CLTC: variants seen among roughly 807,000 people sequenced by gnomAD.
CLTC encodes the protein clathrin heavy chain.
Under a neutral mutation model 195.8 loss-of-function variants are expected in CLTC, and 16 were observed. That is an observed-to-expected ratio of 0.08 (90% CI 0.06 to 0.12). The LOEUF is 0.12. CLTC is among the 10% of genes least tolerant of loss of function. The pLI is 1.00. For synonymous variants in CLTC, 667 were observed against 689.4 expected, an observed-to-expected ratio of 0.97 and a Z score of 0.51; for missense variants, 796 against 2,027.0, an observed-to-expected ratio of 0.39 and a Z score of 11.66.
In CLTC at chr17:59,648,007, T is replaced by C. The variant is rs1020275497; in HGVS notation, c.520-233T>C. Among the ~76,000 whole-genome samples the C allele has an allele frequency of 2.0e-5, 3 of 152,238 alleles. No individual in the cohort carries two copies. The highest frequency in any genetic ancestry group is 7.2e-5 in the African/African-American group (3 of 41,468). On this transcript the variant is annotated intron_variant, in intron 3 of 31. Transcript: ENST00000269122. The surrounding 1 kb of genome is among the most constrained non-coding windows in gnomAD (Gnocchi z 4.5). ...CAGAATGAATGCTTCTATACCTTTT[T>C]GTTTAAGACGTATATGAGGCATATT...
rs963127883 is a variant in CLTC, at chr17:59,655,840, T to C, written c.796-14T>C. The C allele has an allele frequency of 1.3e-6, 2 of 1,520,924 alleles. No individual in the cohort carries two copies. Among genetic ancestry groups the C allele is most frequent in the Non-Finnish European group, 1.8e-6 (2 of 1,140,072 alleles). The allele number at this position is 1,520,924 out of a possible 1,614,324, so 94.2% of individuals were successfully genotyped here. On this transcript the variant is annotated splice_polypyrimidine_tract_variant and intron_variant, in intron 5 of 31. Coordinates refer to ENST00000269122, the MANE Select transcript of CLTC (RefSeq NM_004859.4). Reference sequence around the variant, plus strand: ...ATTCATTATTTTACTAAAGTGTTGATTTTCTTTCTGTAGATCAGTGAAAAG... The same window carrying C: ...ATTCATTATTTTACTAAAGTGTTGACTTTCTTTCTGTAGATCAGTGAAAAG...
chr17:59,690,586 GGTTTA>G (rs765486441), intron 30 of CLTC, 45 bp from the exon 31 acceptor site: 2 of 1,336,902 alleles, frequency 1.5e-6, no homozygotes, highest in Non-Finnish European at 2.1e-6. Context: ...CATAAACCTA[GGTTTA>G]TAATACTTTT....
chr17:59,660,368 A>G, intron 6 of CLTC, 23 bp from the exon 7 acceptor site: 1 of 1,601,434 alleles, frequency 6.2e-7, no homozygotes, highest in Non-Finnish European at 8.6e-7. Context: ...CATTGCAGCT[A>G]CATTTTATTC....
Position 59,693,990 on chromosome 17 carries a change from C to G in CLTC, c.*138C>G. On this transcript the variant is annotated 3_prime_UTR_variant, in exon 32 of 32. Transcript: ENST00000269122. ...ATGAAGGACTTCTTTTTGTTTCTAA[C>G]TATAAACTTGGATCACCTATGTTAA... is the stretch of plus-strand genomic sequence containing the variant. 1 of 911,684 alleles carries G rather than the reference C, an allele frequency of 1.1e-6. No homozygotes were observed. Among genetic ancestry groups the G allele is most frequent in the Non-Finnish European group, 1.5e-6 (1 of 652,628 alleles). 56.5% of individuals were successfully genotyped at this position (911,684 alleles called of 1,614,324 possible).
chr17:59,621,401 G>T (rs959470455), intron 1 of CLTC, among the ~76,000 whole-genome samples: 1 of 152,212 alleles, frequency 6.6e-6, no homozygotes, highest in Admixed American at 6.5e-5. Flanking sequence ...ACATGACACT[G>T]ATATCAGTGA....
chr17:59,636,509 G>A (rs916609341), intron 1 of CLTC, among the ~76,000 whole-genome samples: 2 of 151,918 alleles, frequency 1.3e-5, no homozygotes, highest in African/African-American at 4.8e-5. Context: ...AGGCTGGAGT[G>A]CGGTGGCGCG....
At chr17:59,651,392 A>T in intron 5 of CLTC, 76 bp downstream of exon 5, 1 of 967,004 alleles carries the variant, frequency 1.0e-6, no homozygotes, top group Middle Eastern at 2.2e-4. Flanking sequence ...TATTCATGGT[A>T]GATATAATTT....
intron 30 of CLTC, 94 bp from the exon 31 acceptor site, chr17:59,690,542 G>A (rs2033272903): frequency 1.2e-6 from 1 of 800,242 alleles, no homozygotes. Context: ...TATTTTGACA[G>A]AATTTAACAT....
intron 1 of CLTC, among the ~76,000 whole-genome samples, chr17:59,640,239 T>G (rs1264636066): frequency 6.6e-6 from 1 of 152,196 alleles, no homozygotes; most frequent in African/African-American, 2.4e-5. Flanking sequence ...TTTGGCATAT[T>G]TCTCTTTTGA....
intron 1 of CLTC, among the ~76,000 whole-genome samples, chr17:59,640,804 T>C (rs1435433989): frequency 6.6e-6 from 1 of 152,072 alleles, no homozygotes; most frequent in African/African-American, 2.4e-5. Context: ...TTTTTTAATA[T>C]GTTTAAACAT....
At chr17:59,659,654 T>C (rs748384944) in intron 6 of CLTC, among the ~76,000 whole-genome samples, 11 of 152,118 alleles carry the variant, frequency 7.2e-5, no homozygotes, top group Non-Finnish European at 1.3e-4. Flanking sequence ...TTCACCATGT[T>C]GGTCAGGCTG....
At position 59,685,890 on chromosome 17, in the gene CLTC, TTTTC is replaced by T. The variant is rs2143602759; in HGVS notation, c.4827+86_4827+89del. On this transcript the variant is annotated intron_variant, in intron 30 of 31. Transcript: ENST00000269122. The surrounding 1 kb of genome is among the most constrained non-coding windows in gnomAD (Gnocchi z 5.0). ...TGCACATTAATTTTTTTAAATGCTT[TTTTC>T]TTTAGTAGAAGTAAGTCATTTAGTC... 1 of 1,091,872 alleles carries T rather than the reference TTTTC, an allele frequency of 9.2e-7. No individual in the cohort carries two copies. Among genetic ancestry groups the T allele is most frequent in the Admixed American group, 2.4e-5 (1 of 41,008 alleles). 67.6% of individuals were successfully genotyped at this position (1,091,872 alleles called of 1,614,324 possible). A position where few individuals can be genotyped will look rare whatever the true frequency, so the allele number is the denominator to read the frequency against.
intron 14 of CLTC, among the ~76,000 whole-genome samples, chr17:59,672,217 C>T (rs1289459766): frequency 1.3e-5 from 2 of 152,064 alleles, no homozygotes; most frequent in Non-Finnish European, 2.9e-5. Context: ...TGTATAAAAT[C>T]ATGTGCAAAT....
chr17:59,681,680 G>T lies in CLTC; in HGVS notation c.3283G>T (p.Ala1095Ser). The T allele has an allele frequency of 6.2e-7, 1 of 1,613,790 alleles. No individual in the cohort carries two copies. The highest frequency in any genetic ancestry group is 1.1e-5 in the South Asian group (1 of 91,034). Residue 1095 changes from alanine to serine, a missense_variant, in exon 21 of 32, where the codon GCA becomes TCA. Ala to Ser is a moderately conservative substitution (Grantham distance 99). Transcript: ENST00000269122. The surrounding 1 kb of genome is among the most constrained non-coding windows in gnomAD (Gnocchi z 5.0). ...LIEHIGNLDR[A>S]YEFAERCNEP... ...TGAGCATATTGGAAACTTGGATCGGGCATATGAGTTTGCTGAACGTTGCAA... is the reference window on the plus strand; with the variant it reads ...TGAGCATATTGGAAACTTGGATCGGTCATATGAGTTTGCTGAACGTTGCAA...
intron 6 of CLTC, among the ~76,000 whole-genome samples, chr17:59,656,979 A>T (rs1282513425): frequency 6.6e-6 from 1 of 152,034 alleles, no homozygotes; most frequent in Admixed American, 6.6e-5. Flanking sequence ...GCCTATTTTA[A>T]TATTAATAAG....
At position 59,647,626 on chromosome 17, in the gene CLTC, C is replaced by G; in HGVS notation, c.479C>G (p.Ala160Gly). The G allele has an allele frequency of 1.9e-6, 3 of 1,613,980 alleles. No individual in the cohort carries two copies. Among genetic ancestry groups the G allele is most frequent in the East Asian group, 2.2e-5 (1 of 44,874 alleles). ...CAGATTATCAATTACCGTACAGATG[C>G]AAAACAAAAGTGGTTACTTCTGACT... ...GCQIINYRTD[A>G]KQKWLLLTGI... is the part of the protein sequence containing the mutation. The change falls in exon 3 of 32, where the codon GCA becomes GGA. Residue 160 changes from alanine to glycine, a missense_variant. Around this residue, in one of 9 missense-constraint regions of CLTC, gnomAD observed 293 missense variants for 795.6 expected, o/e 0.37. Coordinates refer to ENST00000269122, the MANE Select transcript of CLTC (RefSeq NM_004859.4).
intron 7 of CLTC, among the ~76,000 whole-genome samples, chr17:59,661,054 A>G (rs1407335297): frequency 3.9e-5 from 3 of 77,582 alleles, no homozygotes; most frequent in Non-Finnish European, 9.5e-5. Context: ...AATATTCATT[A>G]TGAAATTTGT....
At chr17:59,693,472 G>A (rs2033356117) in intron 31 of CLTC, among the ~76,000 whole-genome samples, 1 of 151,688 alleles carries the variant, frequency 6.6e-6, no homozygotes, top group Non-Finnish European at 1.5e-5. Flanking sequence ...TATACAGAGT[G>A]TCAGGCATAC....
At chr17:59,642,131 G>T (rs2032056454) in intron 1 of CLTC, among the ~76,000 whole-genome samples, 1 of 149,032 alleles carries the variant, frequency 6.7e-6, no homozygotes, top group Non-Finnish European at 1.5e-5. Flanking sequence ...ACAGGTTTTT[G>T]ACTTTCCTTT....
Sources: allele counts gnomAD v4.1 joint callset (sites outside exome capture counted in the v4.1 genomes callset), GRCh38; gene constraint gnomAD v4.1.1; regional missense constraint gnomAD v4.1.1; non-coding constraint Gnocchi (gnomAD v3.1); transcripts MANE v1.5; gene names NCBI Gene and HGNC (gene_info 2026-07-23, HGNC 2026-07-21).